GPHN: variants seen among roughly 807,000 people sequenced by gnomAD.
GPHN encodes gephyrin.
A neutral mutation model predicts 95.5 loss-of-function variants in GPHN; 17 were observed. The ratio of observed to expected loss-of-function variants is 0.18; its 90% CI spans 0.12 to 0.27. The LOEUF is 0.27. Among genes scored for constraint, GPHN ranks in the 10% least tolerant of loss-of-function variants. The pLI, the probability that GPHN is intolerant of heterozygous loss-of-function variation, is 1.00. For missense variants in GPHN, 660 were observed against 978.1 expected (o/e 0.67, Z 4.34); for synonymous variants, 320 against 322.5 (o/e 0.99, Z 0.08).
At chr14:66,582,824 G>A (rs1313975599) in intron 1 of GPHN, among the ~76,000 whole-genome samples, 1 of 152,102 alleles carries the variant, frequency 6.6e-6, no homozygotes, top group Non-Finnish European at 1.5e-5. Context: ...TTGCTATTGT[G>A]AATAGTGCCG....
At chr14:67,340,873 G>A in the GPHN span, among the ~76,000 whole-genome samples, 30 of 152,320 alleles carry the variant, frequency 2.0e-4, no homozygotes, top group Admixed American at 1.4e-3. Context: ...ACGGGGTTTC[G>A]CTGTGTTGGC....
At chr14:67,568,010 G>A in the GPHN span, among the ~76,000 whole-genome samples, 14 of 152,188 alleles carry the variant, frequency 9.2e-5, no homozygotes, top group East Asian at 1.9e-4. Flanking sequence ...CCCTCAGGAC[G>A]GGCATTCTCC....
chr14:67,587,312 C>G, the GPHN span: 20 of 1,528,932 alleles, frequency 1.3e-5, no homozygotes, highest in Non-Finnish European at 1.7e-5. Context: ...TATGATACTA[C>G]TGTGACGGGT....
At chr14:67,028,516 T>A (rs1336161389) in intron 10 of GPHN, among the ~76,000 whole-genome samples, 1 of 152,162 alleles carries the variant, frequency 6.6e-6, no homozygotes, top group Non-Finnish European at 1.5e-5. Context: ...CTCCACATCC[T>A]TACCAGTATG....
At chr14:66,972,267 CAA>C (rs892888405) in intron 9 of GPHN, among the ~76,000 whole-genome samples, 377 of 46,236 alleles carry the variant, frequency 8.2e-3, no homozygotes, top group African/African-American at 0.027. Flanking sequence ...GAGTCTGTCT[CAA>C]AAAAAAAAAA....
At chr14:66,520,679 G>A (rs2058442866) in intron 1 of GPHN, among the ~76,000 whole-genome samples, 1 of 150,616 alleles carries the variant, frequency 6.6e-6, no homozygotes, top group Admixed American at 6.6e-5. Flanking sequence ...TTCCCAATTA[G>A]TGAGTCCAGA....
intron 1 of GPHN, among the ~76,000 whole-genome samples, chr14:66,549,084 A>G (rs1315048812): frequency 6.6e-6 from 1 of 152,158 alleles, no homozygotes; most frequent in Non-Finnish European, 1.5e-5. Flanking sequence ...GTTAATTTAT[A>G]TATAAATAAA....
At chr14:67,528,818 A>G in the GPHN span, among the ~76,000 whole-genome samples, 1 of 152,230 alleles carries the variant, frequency 6.6e-6, no homozygotes, top group Non-Finnish European at 1.5e-5. Context: ...AGGGCATACC[A>G]GTCAATACAG....
the GPHN span, among the ~76,000 whole-genome samples, chr14:67,547,797 CAG>C: frequency 0.06 from 9,111 of 152,290 alleles, 394 homozygotes; most frequent in East Asian, 0.18. Context: ...TCATTCTAGT[CAG>C]GGAATAATCT....
chr14:67,577,356 C>T, the GPHN span: 1 of 1,590,272 alleles, frequency 6.3e-7, no homozygotes, highest in Non-Finnish European at 8.6e-7. Context: ...GGCCTATACG[C>T]CTCCCTCACC....
the GPHN span, among the ~76,000 whole-genome samples, chr14:67,411,566 AGCAGG>A: frequency 6.6e-6 from 1 of 152,170 alleles, no homozygotes; most frequent in Admixed American, 6.5e-5. Flanking sequence ...CCTTGATGAA[AGCAGG>A]GCTGCTGGGA....
At chr14:66,973,757 CA>C (rs559112679) in intron 9 of GPHN, among the ~76,000 whole-genome samples, 1 of 149,972 alleles carries the variant, frequency 6.7e-6, no homozygotes, top group Non-Finnish European at 1.5e-5. Flanking sequence ...GACTCTGTCT[CA>C]AAAAACAAAA....
At chr14:66,595,009 A>G (rs1479329514) in intron 1 of GPHN, among the ~76,000 whole-genome samples, 2 of 152,204 alleles carry the variant, frequency 1.3e-5, no homozygotes, top group African/African-American at 4.8e-5. Context: ...ACATTTTTGA[A>G]AATAAGACAT....
At chr14:67,149,505 A>G (rs2081118482) in intron 18 of GPHN, among the ~76,000 whole-genome samples, 1 of 152,214 alleles carries the variant, frequency 6.6e-6, no homozygotes, top group Non-Finnish European at 1.5e-5. Flanking sequence ...GGGATCCTTA[A>G]TGAATTTTAA....
the GPHN span, among the ~76,000 whole-genome samples, chr14:67,396,857 A>C: frequency 6.6e-6 from 1 of 152,236 alleles, no homozygotes; most frequent in African/African-American, 2.4e-5. Context: ...ATGAAGAAAC[A>C]ATCTTACCAT....
chr14:67,656,420 C>G, the GPHN span: 1 of 1,608,848 alleles, frequency 6.2e-7, no homozygotes, highest in African/African-American at 1.3e-5. Flanking sequence ...ACTTACTCTA[C>G]TCTTGGTACG....
intron 2 of GPHN, among the ~76,000 whole-genome samples, chr14:66,767,075 A>G (rs189097965): frequency 0.012 from 1,834 of 152,170 alleles, 19 homozygotes; most frequent in Non-Finnish European, 0.018. Context: ...TAATTTTTCA[A>G]ACTATGTGTT....
At chr14:66,693,295 C>G (rs2067902071) in intron 2 of GPHN, among the ~76,000 whole-genome samples, 1 of 152,074 alleles carries the variant, frequency 6.6e-6, no homozygotes, top group South Asian at 2.1e-4. Flanking sequence ...ATTTTAATAA[C>G]TTTTTCTAAT....
rs117672091 is a variant in GPHN, at chr14:66,719,627, G to A, written c.143+38442G>A. ...TCCACACGCTGCTCTGTTCATCCCAGTCAGAGCTGCCATGTAGTCCTGCCT... is the reference window on the plus strand; with the variant it reads ...TCCACACGCTGCTCTGTTCATCCCAATCAGAGCTGCCATGTAGTCCTGCCT... On this transcript the variant is annotated intron_variant, in intron 2 of 22. Transcript: ENST00000478722. Among the ~76,000 whole-genome samples the A allele has an allele frequency of 7.3e-3, 1,114 of 152,202 alleles. 4 individuals are homozygous for A. Among genetic ancestry groups the A allele is most frequent in the Admixed American group, 9.6e-3 (146 of 15,284 alleles).
Sources: gnomAD v4.1 joint callset for allele counts (sites outside exome capture counted in the v4.1 genomes callset) on GRCh38, gnomAD v4.1.1 for gene constraint, MANE v1.5 for transcripts, NCBI Gene and HGNC (gene_info 2026-07-23, HGNC 2026-07-21) for gene names.